COPG2: variants seen among roughly 807,000 people sequenced by gnomAD.
COPG2 encodes the protein coat protein complex I subunit gamma 2.
In COPG2, 37 loss-of-function variants were observed where a neutral mutation model predicts 46.3. The observed-to-expected ratio is 0.80, with a 90% confidence interval of 0.61 to 1.05. COPG2 has a LOEUF of 1.05. Ranked by LOEUF, COPG2 falls within the 50% of genes least tolerant of loss-of-function variation. The probability of loss-of-function intolerance (pLI) is 0.00; values close to 1 mark genes in which losing one functional copy is unlikely to be tolerated. For synonymous variants in COPG2, 159 were observed against 129.7 expected, an observed-to-expected ratio of 1.23 and a Z score of -1.53; for missense variants, 427 against 387.8, an observed-to-expected ratio of 1.10 and a Z score of -0.85.
intron 9 of COPG2, among the ~76,000 whole-genome samples, chr7:130,592,354 C>A (rs1437249737): frequency 6.6e-6 from 1 of 150,866 alleles, no homozygotes; most frequent in African/African-American, 2.4e-5. Flanking sequence ...TGTCCTATGA[C>A]CCTGCCAAAT....
At position 130,584,027 on chromosome 7, in the gene COPG2, T is replaced by A. The variant is rs927270510; in HGVS notation, c.738-19634A>T. On this transcript the variant is annotated intron_variant, in intron 9 of 23. Coordinates refer to ENST00000425248, the MANE Select transcript of COPG2 (RefSeq NM_012133.6). ...ATAACAAAAAAAGAAAACTACAGAC[T>A]GATATCCTTGATGAACACAGATGCT... Among the ~76,000 whole-genome samples the A allele has an allele frequency of 2.0e-5, 3 of 151,722 alleles. No homozygotes were observed. In the South Asian group the frequency reaches 6.2e-4, roughly 32 times the overall value.
chr7:130,626,679 T>C (rs1795127254), intron 5 of COPG2, among the ~76,000 whole-genome samples: 1 of 152,212 alleles, frequency 6.6e-6, no homozygotes, highest in African/African-American at 2.4e-5. Context: ...TTCCTCTTTC[T>C]TTAACTCTTA....
intron 20 of COPG2, among the ~76,000 whole-genome samples, chr7:130,532,523 A>G (rs941206681): frequency 5.9e-5 from 9 of 151,996 alleles, no homozygotes; most frequent in African/African-American, 1.7e-4. Context: ...CAGGCAGGGC[A>G]GGAGAGTCAG....
chr7:130,639,535 T>C (rs1201298774), intron 5 of COPG2, among the ~76,000 whole-genome samples: 2 of 152,240 alleles, frequency 1.3e-5, no homozygotes, highest in African/African-American at 4.8e-5. Context: ...GGTTTTGGAT[T>C]GTATCCTGCA....
At chr7:130,620,161 T>TA (rs1554453414) in intron 5 of COPG2, among the ~76,000 whole-genome samples, 10 of 152,304 alleles carry the variant, frequency 6.6e-5, no homozygotes, top group African/African-American at 2.4e-4. Flanking sequence ...ATGTCAAAAG[T>TA]TTTGCCCTCT....
At chr7:130,658,355 A>G (rs1345642299) in intron 4 of COPG2, among the ~76,000 whole-genome samples, 5 of 152,188 alleles carry the variant, frequency 3.3e-5, no homozygotes, top group Non-Finnish European at 7.3e-5. Context: ...TAAGGACAGA[A>G]AGGAGATAGA....
At chr7:130,594,887 G>C (rs1794497963) in intron 9 of COPG2, among the ~76,000 whole-genome samples, 1 of 152,180 alleles carries the variant, frequency 6.6e-6, no homozygotes, top group Admixed American at 6.5e-5. Context: ...AGGATGTGGA[G>C]AAATTGGGCT....
chr7:130,603,721 C>CAAAAAAA (rs782190006), intron 9 of COPG2: 3 of 203,040 alleles, frequency 1.5e-5, no homozygotes, highest in South Asian at 3.1e-5. Flanking sequence ...AACTCAGTCT[C>CAAAAAAA]AAAAAAAAAA....
chr7:130,659,365 A>AAAAAAAAAAAAAC (rs200317804), intron 4 of COPG2, among the ~76,000 whole-genome samples: 1 of 150,202 alleles, frequency 6.7e-6, no homozygotes, highest in Non-Finnish European at 1.5e-5. Flanking sequence ...AAAAAAAAAA[A>AAAAAAAAAAAAAC]AAACGAACAA....
chr7:130,532,473 A>G (rs1400337802), intron 20 of COPG2, among the ~76,000 whole-genome samples: 2 of 151,866 alleles, frequency 1.3e-5, no homozygotes, highest in Non-Finnish European at 2.9e-5. Context: ...GGAGGGTGGG[A>G]CTGACAGGAG....
At chr7:130,538,683 C>G (rs1479807831) in intron 20 of COPG2, among the ~76,000 whole-genome samples, 1 of 56,104 alleles carries the variant, frequency 1.8e-5, no homozygotes, top group Non-Finnish European at 3.6e-5. Context: ...GGGCTGGGGG[C>G]CTGGGAGGGG....
At chr7:130,583,493 TAAAAAAAAAAAAAA>T (rs782593413) in intron 9 of COPG2, among the ~76,000 whole-genome samples, 12 of 34,370 alleles carry the variant, frequency 3.5e-4, no homozygotes, top group Non-Finnish European at 4.9e-4. Context: ...ACATAAAGTA[TAAAAAAAAAAAAAA>T]AAAAAAAAAA....
At chr7:130,557,839 T>TAAA (rs1471202743) in intron 12 of COPG2, among the ~76,000 whole-genome samples, 1 of 94,064 alleles carries the variant, frequency 1.1e-5, no homozygotes, top group Non-Finnish European at 2.0e-5. Flanking sequence ...AAAAAAAAAA[T>TAAA]CATGCAAGAA....
chr7:130,586,787 A>G (rs1411280349), intron 9 of COPG2, among the ~76,000 whole-genome samples: 2 of 152,000 alleles, frequency 1.3e-5, no homozygotes, highest in Non-Finnish European at 2.9e-5. Context: ...TTTCTAAAAA[A>G]TAAGTATTTA....
At chr7:130,565,382 A>T (rs1793786212) in intron 9 of COPG2, among the ~76,000 whole-genome samples, 1 of 152,246 alleles carries the variant, frequency 6.6e-6, no homozygotes, top group Non-Finnish European at 1.5e-5. Context: ...GATACAGAAT[A>T]AAGACTACAG....
intron 18 of COPG2, among the ~76,000 whole-genome samples, chr7:130,548,837 G>A (rs1464413339): frequency 1.3e-5 from 2 of 151,816 alleles, no homozygotes; most frequent in Admixed American, 6.6e-5. Context: ...AGAATGGCGT[G>A]AACCTAGGAG....
At chr7:130,525,797 T>C (rs1357349057) in intron 20 of COPG2, among the ~76,000 whole-genome samples, 1 of 151,976 alleles carries the variant, frequency 6.6e-6, no homozygotes, top group Non-Finnish European at 1.5e-5. Context: ...GCTGGGGTGT[T>C]TGGTGCTGGA....
intron 20 of COPG2, chr7:130,510,855 C>T (rs1362386950): frequency 2.2e-5 from 11 of 510,774 alleles, no homozygotes; most frequent in Middle Eastern, 3.2e-4. Context: ...GATGCGGGGG[C>T]CTTTCCATGG....
At chr7:130,544,764 A>C (rs1793405150) in intron 20 of COPG2, among the ~76,000 whole-genome samples, 1 of 152,160 alleles carries the variant, frequency 6.6e-6, no homozygotes, top group Non-Finnish European at 1.5e-5. Flanking sequence ...GTTGCCTTAA[A>C]GGCTTTTCTA....
Sources: gnomAD v4.1 joint callset for allele counts (sites outside exome capture counted in the v4.1 genomes callset) on GRCh38, gnomAD v4.1.1 for gene constraint, MANE v1.5 for transcripts, NCBI Gene and HGNC (gene_info 2026-07-23, HGNC 2026-07-21) for gene names.